The following SORBS2 variants were observed in gnomAD, a reference collection of about 807,000 sequenced individuals.
The protein encoded by SORBS2 is sorbin and SH3 domain-containing protein 2.
A neutral mutation model predicts 97.7 loss-of-function variants in SORBS2; 46 were observed. The ratio of observed to expected loss-of-function variants is 0.47; its 90% CI spans 0.37 to 0.60. SORBS2 has a LOEUF of 0.60. Ranked by LOEUF, SORBS2 falls within the 20% of genes least tolerant of loss-of-function variation. The probability of loss-of-function intolerance (pLI) is 0.00; values close to 1 mark genes in which losing one functional copy is unlikely to be tolerated. For synonymous variants in SORBS2, 476 were observed against 473.4 expected, an observed-to-expected ratio of 1.01 and a Z score of -0.07; for missense variants, 1,316 against 1,282.3, an observed-to-expected ratio of 1.03 and a Z score of -0.40.
chr4:185,904,494 T>C (rs1231410872), intron 1 of SORBS2, among the ~76,000 whole-genome samples: 68 of 152,286 alleles, frequency 4.5e-4, no homozygotes, highest in Non-Finnish European at 2.1e-4. Flanking sequence ...AAAGCCTCCC[T>C]GCCTGTGGTA....
intron 11 of SORBS2, chr4:185,614,539 G>A: frequency 3.1e-6 from 1 of 317,618 alleles, no homozygotes; most frequent in Middle Eastern, 9.3e-4. Context: ...TTTTCCTTTT[G>A]TGCTCCCGAA....
chr4:185,611,670 T>C, intron 12 of SORBS2, 110 bp downstream of exon 24: 2 of 815,892 alleles, frequency 2.5e-6, no homozygotes, highest in South Asian at 3.9e-5. Context: ...TATGTAAATC[T>C]CTTTCTCTGC....
At chr4:185,727,950 G>C (rs2098572920) in intron 2 of SORBS2, among the ~76,000 whole-genome samples, 1 of 152,144 alleles carries the variant, frequency 6.6e-6, no homozygotes, top group African/African-American at 2.4e-5. Context: ...TATAATCCTT[G>C]ACTAGGAGTT....
chr4:185,701,023 A>ACC (rs2098253728), intron 2 of SORBS2, among the ~76,000 whole-genome samples: 1 of 152,162 alleles, frequency 6.6e-6, no homozygotes, highest in African/African-American at 2.4e-5. Context: ...GTTTCATAAT[A>ACC]CTCTAACTTA....
chr4:185,756,916 T>C (rs1020887330), intron 2 of SORBS2: 29 of 1,285,390 alleles, frequency 2.3e-5, no homozygotes, highest in Admixed American at 5.1e-5. Flanking sequence ...ATGGTCCATA[T>C]TGAGTATTTT....
chr4:185,928,926 T>C (rs1162408152), intron 1 of SORBS2, among the ~76,000 whole-genome samples: 1 of 152,214 alleles, frequency 6.6e-6, no homozygotes, highest in Non-Finnish European at 1.5e-5. Flanking sequence ...TCATGGGCAC[T>C]GTGTTGAAAT....
chr4:185,621,162 T>C (rs933022401), intron 7 of SORBS2, among the ~76,000 whole-genome samples: 3 of 152,190 alleles, frequency 2.0e-5, no homozygotes, highest in African/African-American at 7.2e-5. Flanking sequence ...ATTTATTTTA[T>C]CCATCTATGA....
At chr4:185,668,474 C>T (rs1193006393) in intron 4 of SORBS2, among the ~76,000 whole-genome samples, 11 of 152,190 alleles carry the variant, frequency 7.2e-5, no homozygotes, top group Non-Finnish European at 1.5e-4. Context: ...TCACATCACA[C>T]TTAAATTTCT....
intron 2 of SORBS2, among the ~76,000 whole-genome samples, chr4:185,679,787 T>C (rs1223089997): frequency 1.3e-5 from 2 of 152,256 alleles, no homozygotes; most frequent in African/African-American, 4.8e-5. Flanking sequence ...GAATTTTACA[T>C]GCTGGAAAAG....
intron 4 of SORBS2, 43 bp downstream of exon 14, chr4:185,638,834 C>T (rs913282501): frequency 2.3e-5 from 33 of 1,418,286 alleles, no homozygotes; most frequent in African/African-American, 3.0e-5. Context: ...TGCACCTGCA[C>T]CTCTGCCGGG....
chr4:185,729,457 T>G (rs1393171933), intron 2 of SORBS2, among the ~76,000 whole-genome samples: 1 of 152,206 alleles, frequency 6.6e-6, no homozygotes, highest in East Asian at 1.9e-4. Context: ...TCTGCCTGCT[T>G]CGTCCTTATG....
chr4:185,788,367 G>T (rs904828880), intron 1 of SORBS2, among the ~76,000 whole-genome samples: 3 of 152,118 alleles, frequency 2.0e-5, no homozygotes, highest in African/African-American at 7.2e-5. Context: ...ATCCTAAAAA[G>T]AAAAACAAAT....
chr4:185,780,663 G>T (rs112149926), intron 1 of SORBS2, among the ~76,000 whole-genome samples: 277 of 152,284 alleles, frequency 1.8e-3, no homozygotes, highest in African/African-American at 6.0e-3. Flanking sequence ...CATGATTTAC[G>T]CCTTTTTGCA....
intron 1 of SORBS2, among the ~76,000 whole-genome samples, chr4:185,828,328 C>T (rs147980780): frequency 0.011 from 1,740 of 152,196 alleles, 25 homozygotes; most frequent in East Asian, 0.046. Flanking sequence ...CACTAGGAGA[C>T]GCAGAACCAG....
intron 4 of SORBS2, among the ~76,000 whole-genome samples, chr4:185,673,416 G>T (rs531494639): frequency 4.6e-5 from 7 of 152,226 alleles, no homozygotes; most frequent in African/African-American, 1.7e-4. Context: ...CGCTATCTTG[G>T]AACAAACTGA....
chr4:185,875,076 TC>T (rs2099232727), intron 1 of SORBS2, among the ~76,000 whole-genome samples: 1 of 152,196 alleles, frequency 6.6e-6, no homozygotes. Flanking sequence ...AGGAAGTATG[TC>T]CTCAACTACT....
At chr4:185,646,419 A>C in intron 4 of SORBS2, 1 of 167,884 alleles carries the variant, frequency 6.0e-6, no homozygotes, top group Middle Eastern at 2.0e-3. Flanking sequence ...GTGTGTGTGT[A>C]TATATATATA....
intron 2 of SORBS2, among the ~76,000 whole-genome samples, chr4:185,766,272 T>A (rs2098933558): frequency 6.6e-6 from 1 of 152,186 alleles, no homozygotes; most frequent in Admixed American, 6.5e-5. Flanking sequence ...CCATCTGGTG[T>A]GCCAGGCCAC....
At position 185,809,455 on chromosome 4, in the gene SORBS2, C is replaced by CAAAAAAAAAAAAAAAA. The variant is rs55713465; in HGVS notation, c.-337-34105_-337-34090dup. Among the ~76,000 whole-genome samples, 29 of 47,290 alleles carry CAAAAAAAAAAAAAAAA rather than the reference C, an allele frequency of 6.1e-4. 6 individuals carry two copies. The highest frequency in any genetic ancestry group is 1.5e-3 in the South Asian group (1 of 680). 31.0% of individuals were successfully genotyped at this position (47,290 alleles called of 152,430 possible). On this transcript the variant is annotated intron_variant, in intron 1 of 20. Coordinates refer to the SORBS2 transcript ENST00000284776. ...GACTCTTCAGGGGGCACTGCATTTGCAAAAAAAAAAAAAAAAAAAAAAAAA... is the reference window on the plus strand; with the variant it reads ...GACTCTTCAGGGGGCACTGCATTTGCAAAAAAAAAAAAAAAAAAAAAAAAAAAAAAAAAAAAAAAAA...
Sources: allele counts gnomAD v4.1 joint callset (sites outside exome capture counted in the v4.1 genomes callset), GRCh38; gene constraint gnomAD v4.1.1; transcripts MANE v1.5; gene names NCBI Gene and HGNC (gene_info 2026-07-23, HGNC 2026-07-21).